The following FRMD3 variants were observed in gnomAD, a reference collection of about 807,000 sequenced individuals.
FRMD3 encodes the protein FERM domain-containing protein 3.
A neutral mutation model predicts 70.2 loss-of-function variants in FRMD3; 33 were observed. That is an observed-to-expected ratio of 0.47 (90% CI 0.36 to 0.63). The LOEUF is 0.63. Ranked by LOEUF, FRMD3 falls within the 20% of genes least tolerant of loss-of-function variation. The pLI is 0.00. For missense variants in FRMD3, 632 were observed against 711.4 expected, an observed-to-expected ratio of 0.89 and a Z score of 1.27; for synonymous variants, 279 against 255.9, an observed-to-expected ratio of 1.09 and a Z score of -0.86.
intron 13 of FRMD3, among the ~76,000 whole-genome samples, chr9:83,262,172 A>G (rs535460753): frequency 6.6e-5 from 10 of 152,312 alleles, no homozygotes; most frequent in Middle Eastern, 3.4e-3. Flanking sequence ...GAACCCTCCA[A>G]TGAGATTTAC....
intron 13 of FRMD3, among the ~76,000 whole-genome samples, chr9:83,252,443 C>A (rs913016356): frequency 1.3e-5 from 2 of 152,180 alleles, no homozygotes; most frequent in Admixed American, 6.6e-5. Context: ...ACTGGTGATA[C>A]TGTGAACCAA....
At chr9:83,460,515 G>A (rs566309841) in intron 1 of FRMD3, among the ~76,000 whole-genome samples, 3 of 152,278 alleles carry the variant, frequency 2.0e-5, no homozygotes, top group African/African-American at 7.2e-5. Flanking sequence ...TAATGTGTCG[G>A]GGGTACAGGG....
chr9:83,576,799 A>T, the FRMD3 span, among the ~76,000 whole-genome samples: 3 of 152,120 alleles, frequency 2.0e-5, no homozygotes, highest in African/African-American at 7.2e-5. Context: ...ATTGGAAATA[A>T]GGAAATAAAA....
chr9:83,561,758 C>T, the FRMD3 span, among the ~76,000 whole-genome samples: 1 of 152,084 alleles, frequency 6.6e-6, no homozygotes, highest in Non-Finnish European at 1.5e-5. Context: ...CATGGAAAAC[C>T]CTGACATGAA....
intron 1 of FRMD3, among the ~76,000 whole-genome samples, chr9:83,408,022 C>T (rs1393343013): frequency 6.6e-6 from 1 of 152,058 alleles, no homozygotes; most frequent in Non-Finnish European, 1.5e-5. Flanking sequence ...ACTTCTCCAT[C>T]AGCAGCCAGC....
chr9:83,473,286 C>T (rs1828314571), intron 1 of FRMD3, among the ~76,000 whole-genome samples: 1 of 152,124 alleles, frequency 6.6e-6, no homozygotes, highest in Admixed American at 6.6e-5. Context: ...AGTTTGTCCA[C>T]CCACTCTTGC....
intron 13 of FRMD3, among the ~76,000 whole-genome samples, chr9:83,275,609 A>T (rs1026403363): frequency 2.0e-5 from 3 of 152,198 alleles, no homozygotes; most frequent in Admixed American, 1.3e-4. Flanking sequence ...AGCACCATAT[A>T]CTGTGAACAT....
chr9:83,529,889 T>C (rs185289141), intron 1 of FRMD3, among the ~76,000 whole-genome samples: 4 of 152,330 alleles, frequency 2.6e-5, no homozygotes, highest in Admixed American at 2.0e-4. Context: ...CATGAAAAGA[T>C]GCTCAACTTT....
intron 1 of FRMD3, among the ~76,000 whole-genome samples, chr9:83,412,526 A>G (rs1826308954): frequency 1.3e-5 from 2 of 152,244 alleles, no homozygotes; most frequent in Admixed American, 1.3e-4. Flanking sequence ...AAAACATTTA[A>G]TTAACATAAC....
At chr9:83,558,391 CAT>C in the FRMD3 span, among the ~76,000 whole-genome samples, 1 of 152,092 alleles carries the variant, frequency 6.6e-6, no homozygotes, top group Non-Finnish European at 1.5e-5. Flanking sequence ...AAATGGTTCA[CAT>C]GTGATGATTA....
At chr9:83,545,617 A>C in the FRMD3 span, among the ~76,000 whole-genome samples, 1 of 152,076 alleles carries the variant, frequency 6.6e-6, no homozygotes. Flanking sequence ...TCGGCCTCCC[A>C]AAGTGCTAGG....
chr9:83,243,754 T>C (rs1248126081), downstream of FRMD3, among the ~76,000 whole-genome samples: 1 of 149,796 alleles, frequency 6.7e-6, no homozygotes, highest in East Asian at 2.5e-4. Context: ...CAATTCTGCT[T>C]GACTTCTATT....
At chr9:83,386,868 T>C (rs1226574124) in intron 2 of FRMD3, among the ~76,000 whole-genome samples, 1 of 152,178 alleles carries the variant, frequency 6.6e-6, no homozygotes, top group Non-Finnish European at 1.5e-5. Flanking sequence ...GTTCCTCACA[T>C]TGAATTTGCC....
At chr9:83,561,498 T>C in the FRMD3 span, among the ~76,000 whole-genome samples, 1 of 152,208 alleles carries the variant, frequency 6.6e-6, no homozygotes, top group Non-Finnish European at 1.5e-5. Context: ...CAGTAACAAA[T>C]AGCCCTTAAA....
At chr9:83,443,251 A>G (rs1827356655) in intron 1 of FRMD3, among the ~76,000 whole-genome samples, 1 of 152,068 alleles carries the variant, frequency 6.6e-6, no homozygotes, top group Non-Finnish European at 1.5e-5. Flanking sequence ...TTAACTTGTC[A>G]TTTACATTAG....
chr9:83,257,812 A>T (rs539478851), intron 13 of FRMD3, among the ~76,000 whole-genome samples: 1 of 152,310 alleles, frequency 6.6e-6, no homozygotes, highest in East Asian at 1.9e-4. Context: ...TTTGTTTTAG[A>T]AGTGAAATGA....
rs1489294943 is a variant in FRMD3, at chr9:83,381,783, A to T, written c.252+7821T>A. Among the ~76,000 whole-genome samples, 5 of 152,230 alleles carry T rather than the reference A, an allele frequency of 3.3e-5. No homozygotes were observed. The East Asian group carries it at 7.7e-4, about 24-fold the overall frequency. ...CCTCCATTCCCTTCCCTATTTTGGA[A>T]ATTTTTATTTTTTGTAAAGGACCAG... On this transcript the variant is annotated intron_variant, in intron 2 of 13. Coordinates refer to ENST00000304195, the MANE Select transcript of FRMD3 (RefSeq NM_174938.6).
At chr9:83,307,059 A>T (rs1835161862) in intron 10 of FRMD3, among the ~76,000 whole-genome samples, 1 of 152,242 alleles carries the variant, frequency 6.6e-6, no homozygotes, top group Non-Finnish European at 1.5e-5. Context: ...CAGATATATA[A>T]AATTCTGTAA....
At chr9:83,281,471 TTGAC>T (rs1833969275) in intron 13 of FRMD3, 1 of 152,186 alleles carries the variant, frequency 6.6e-6, no homozygotes, top group Non-Finnish European at 1.5e-5. Flanking sequence ...CCTAGGACAC[TTGAC>T]TGACTCATTT....
Sources: gnomAD v4.1 joint callset for allele counts (sites outside exome capture counted in the v4.1 genomes callset) on GRCh38, gnomAD v4.1.1 for gene constraint, MANE v1.5 for transcripts, NCBI Gene and HGNC (gene_info 2026-07-23, HGNC 2026-07-21) for gene names.